Variants in TAFA5 observed in about 807,000 individuals in gnomAD.
The protein encoded by TAFA5 is chemokine-like protein TAFA-5.
Under a neutral mutation model 15.3 loss-of-function variants are expected in TAFA5, and 6 were observed. The observed-to-expected ratio is 0.39, with a 90% CI of 0.21 to 0.77. TAFA5 has a LOEUF of 0.77. Ranked by LOEUF, TAFA5 falls within the 30% of genes least tolerant of loss-of-function variation. The probability of loss-of-function intolerance (pLI) is 0.41; values close to 1 mark genes in which losing one functional copy is unlikely to be tolerated. For missense variants in TAFA5, 161 were observed against 193.1 expected (o/e 0.83, Z 0.98); for synonymous variants, 103 against 80.7 (o/e 1.28, Z -1.48).
At chr22:48,678,764 A>C (rs1438497448) in intron 2 of TAFA5, among the ~76,000 whole-genome samples, 1 of 100,102 alleles carries the variant, frequency 1.0e-5, no homozygotes, top group African/African-American at 4.9e-5. Flanking sequence ...ACAAAGTTAA[A>C]AAAAAAAAAT....
intron 1 of TAFA5, among the ~76,000 whole-genome samples, chr22:48,605,027 T>C (rs1040926187): frequency 6.6e-6 from 1 of 151,216 alleles, no homozygotes; most frequent in Non-Finnish European, 1.5e-5. Flanking sequence ...GTAATGATGG[T>C]GATGATGATC....
At chr22:48,693,673 C>G (rs1295417817) in intron 2 of TAFA5, among the ~76,000 whole-genome samples, 2 of 152,166 alleles carry the variant, frequency 1.3e-5, no homozygotes, top group African/African-American at 4.8e-5. Context: ...CCGCACCACA[C>G]CGGGCTTTGG....
chr22:48,516,800 C>T (rs1921423831), intron 1 of TAFA5, among the ~76,000 whole-genome samples: 1 of 152,204 alleles, frequency 6.6e-6, no homozygotes, highest in Non-Finnish European at 1.5e-5. Context: ...AGTGCTGACC[C>T]ACCTCCGGGA....
chr22:48,575,211 C>T (rs1923722329), intron 1 of TAFA5, among the ~76,000 whole-genome samples: 1 of 152,142 alleles, frequency 6.6e-6, no homozygotes. Flanking sequence ...CCCGCGCCAG[C>T]AGGGCCGGCT....
At chr22:48,613,207 C>T (rs922120591) in intron 1 of TAFA5, among the ~76,000 whole-genome samples, 6 of 152,304 alleles carry the variant, frequency 3.9e-5, no homozygotes, top group Non-Finnish European at 8.8e-5. Context: ...CGCCGTATTC[C>T]TCCTTCCTCC....
intron 1 of TAFA5, chr22:48,539,056 C>A: frequency 4.3e-6 from 1 of 232,096 alleles, no homozygotes; most frequent in East Asian, 9.7e-5. Context: ...GGGTGGGAGC[C>A]TGTGGGGTGG....
chr22:48,581,076 T>G (rs887652315), intron 1 of TAFA5, among the ~76,000 whole-genome samples: 2 of 152,256 alleles, frequency 1.3e-5, no homozygotes. Flanking sequence ...TAACCAACTC[T>G]TTTATCATCA....
chr22:48,682,846 A>G (rs1486440745), intron 2 of TAFA5, among the ~76,000 whole-genome samples: 1 of 151,966 alleles, frequency 6.6e-6, no homozygotes, highest in East Asian at 1.9e-4. Flanking sequence ...GCTCCTAGTT[A>G]TACTTGATGA....
chr22:48,572,446 C>G (rs1488635496), intron 1 of TAFA5, among the ~76,000 whole-genome samples: 1 of 152,232 alleles, frequency 6.6e-6, no homozygotes, highest in African/African-American at 2.4e-5. Flanking sequence ...CGGCTTGACC[C>G]TAGGGACAGG....
chr22:48,589,222 A>G (rs371557729), intron 1 of TAFA5, among the ~76,000 whole-genome samples: 5 of 152,168 alleles, frequency 3.3e-5, no homozygotes, highest in Admixed American at 2.6e-4. Context: ...TATGCCGGAC[A>G]TGGGCTGCTT....
intron 1 of TAFA5, among the ~76,000 whole-genome samples, chr22:48,591,480 G>A (rs866610280): frequency 6.6e-6 from 1 of 152,240 alleles, no homozygotes; most frequent in Non-Finnish European, 1.5e-5. Flanking sequence ...TGCCCTGGAT[G>A]GAGAGCACAG....
intron 1 of TAFA5, among the ~76,000 whole-genome samples, chr22:48,557,566 G>T (rs1923084087): frequency 6.6e-6 from 1 of 152,232 alleles, no homozygotes; most frequent in Non-Finnish European, 1.5e-5. Context: ...GCGGCTCCTT[G>T]CAGGAGGCTG....
chr22:48,593,207 C>T (rs1432793610), intron 1 of TAFA5, among the ~76,000 whole-genome samples: 1 of 152,200 alleles, frequency 6.6e-6, no homozygotes, highest in African/African-American at 2.4e-5. Context: ...CCCAGGACCC[C>T]ACCTGTGTCC....
At chr22:48,698,774 C>T (rs148695488) in intron 2 of TAFA5, among the ~76,000 whole-genome samples, 6,246 of 65,570 alleles carry the variant, frequency 0.095, 411 homozygotes, top group African/African-American at 0.3. Flanking sequence ...GGGTGCAGCC[C>T]GTCTGGGCTC....
intron 1 of TAFA5, among the ~76,000 whole-genome samples, chr22:48,499,508 C>T (rs940412605): frequency 3.9e-5 from 6 of 152,192 alleles, no homozygotes; most frequent in Non-Finnish European, 8.8e-5. Flanking sequence ...CTAGCACCGA[C>T]GTGCCCTTCT....
intron 2 of TAFA5, among the ~76,000 whole-genome samples, chr22:48,680,548 G>C (rs1928151732): frequency 6.6e-6 from 1 of 152,158 alleles, no homozygotes; most frequent in African/African-American, 2.4e-5. Flanking sequence ...AAACACAGAG[G>C]ATGGGGAGGC....
Position 48,524,162 on chromosome 22 carries a change from G to A in TAFA5, c.112+34458G>A, listed in dbSNP as rs374481643. On this transcript the variant is annotated intron_variant, in intron 1 of 3. Transcript: ENST00000402357. ...TCCCGTCTGGCCAGTTTTCCTTTGTGCGGCTGGCAGCCCACCGCTTCCAAC... is the reference window on the plus strand; with the variant it reads ...TCCCGTCTGGCCAGTTTTCCTTTGTACGGCTGGCAGCCCACCGCTTCCAAC... Among the ~76,000 whole-genome samples, 7 of 152,266 alleles carry A rather than the reference G, an allele frequency of 4.6e-5. 1 individual carries two copies. Among genetic ancestry groups the A allele is most frequent in the Admixed American group, 6.5e-5 (1 of 15,302 alleles).
intron 1 of TAFA5, among the ~76,000 whole-genome samples, chr22:48,611,090 C>T (rs371480922): frequency 2.0e-5 from 3 of 152,142 alleles, no homozygotes; most frequent in East Asian, 1.9e-4. Context: ...CGAATCACCA[C>T]GCCCAGCTAA....
intron 2 of TAFA5, among the ~76,000 whole-genome samples, chr22:48,700,865 C>T (rs371075378): frequency 2.5e-4 from 38 of 152,278 alleles, no homozygotes; most frequent in East Asian, 9.7e-4. Flanking sequence ...TTCAAATGTC[C>T]GATCCCACGT....
Sources: allele counts gnomAD v4.1 joint callset (sites outside exome capture counted in the v4.1 genomes callset), GRCh38; gene constraint gnomAD v4.1.1; transcripts MANE v1.5; gene names NCBI Gene and HGNC (gene_info 2026-07-23, HGNC 2026-07-21).